Variants in HERC1 observed in about 807,000 individuals in gnomAD.
HERC1 encodes the protein HECT and RLD domain containing E3 ubiquitin protein ligase family member 1, also known as probable E3 ubiquitin-protein ligase HERC1.
Under a neutral mutation model 554.3 loss-of-function variants are expected in HERC1, and 160 were observed. The observed-to-expected ratio is 0.29, with a 90% CI of 0.25 to 0.33. The LOEUF is 0.33. Among genes scored for constraint, HERC1 ranks in the 10% least tolerant of loss-of-function variants. The pLI, the probability that HERC1 is intolerant of heterozygous loss-of-function variation, is 1.00. For synonymous variants in HERC1, 2,175 were observed against 2,131.7 expected (o/e 1.02, Z -0.56); for missense variants, 4,919 against 5,918.5 (o/e 0.83, Z 5.54).
intron 1 of HERC1, among the ~76,000 whole-genome samples, chr15:63,801,356 A>C (rs2144781732): frequency 6.6e-6 from 1 of 152,298 alleles, no homozygotes; most frequent in South Asian, 2.1e-4. Flanking sequence ...TGTGGGACTG[A>C]GCCCTTAAAC....
chr15:63,643,514 A>T lies in HERC1; in HGVS notation c.11221T>A (p.Tyr3741Asn). The change falls in exon 58 of 78, where the codon TAT becomes AAT. Residue 3741 changes from tyrosine to asparagine, a missense_variant. By Grantham distance (143) the Tyr-to-Asn change is moderately radical. Around this residue, in one of 11 missense-constraint regions of HERC1, gnomAD observed 1,963 missense variants for 2,228.6 expected, o/e 0.88. Transcript: ENST00000443617. ...GGAGTGATGTGTCCCCGCAGCTGATAAACACACTTGGCTCCTGATGATTTC... is the reference window on the plus strand; with the variant it reads ...GGAGTGATGTGTCCCCGCAGCTGATTAACACACTTGGCTCCTGATGATTTC... ...YRKSSGAKCVYQLRGHITPVR... is the reference protein window; with the variant it reads ...YRKSSGAKCVNQLRGHITPVR... The T allele has an allele frequency of 6.2e-7, 1 of 1,608,458 alleles. No individual in the cohort carries two copies. Among genetic ancestry groups the T allele is most frequent in the Non-Finnish European group, 8.5e-7 (1 of 1,176,916 alleles).
At chr15:63,663,752 T>C (rs186118398) in intron 43 of HERC1, among the ~76,000 whole-genome samples, 155 of 152,322 alleles carry the variant, frequency 1.0e-3, no homozygotes, top group Admixed American at 5.8e-3. Context: ...GAGCCACTGA[T>C]ATAATGTTAA....
chr15:63,611,863 T>G (rs376400003), intron 77 of HERC1, among the ~76,000 whole-genome samples: 1 of 152,224 alleles, frequency 6.6e-6, no homozygotes, highest in African/African-American at 2.4e-5. Flanking sequence ...TTGAGGGTCA[T>G]AGTTTGTTTT....
At chr15:63,616,754 C>G in intron 74 of HERC1, 72 bp from the exon 75 acceptor site, 3 of 1,348,770 alleles carry the variant, frequency 2.2e-6, no homozygotes, top group Non-Finnish European at 3.1e-6. Context: ...GCAACAACAG[C>G]TATAGCGTTA....
chr15:63,652,110 A>C (rs2069720246), intron 52 of HERC1, among the ~76,000 whole-genome samples: 2 of 152,134 alleles, frequency 1.3e-5, no homozygotes, highest in South Asian at 4.1e-4. Context: ...CAATATAATT[A>C]CTCTAATTCC....
Position 63,734,568 on chromosome 15 carries a change from GGTT to G in HERC1, c.2646+153_2646+155del, listed in dbSNP as rs1257663598. The G allele has an allele frequency of 4.3e-5, 22 of 513,132 alleles. No individual in the cohort carries two copies. Among genetic ancestry groups the G allele is most frequent in the Non-Finnish European group, 4.0e-5 (12 of 301,128 alleles). The allele number at this position is 513,132 out of a possible 1,614,324, so 31.8% of individuals were successfully genotyped here. A position where few individuals can be genotyped will look rare whatever the true frequency, so the allele number is the denominator to read the frequency against. ...ATAAATTATCACTTGCTTCACCTAAGGTTGTTAAGACAACTGGGAATTCTTCCA... is the reference window on the plus strand; with the variant it reads ...ATAAATTATCACTTGCTTCACCTAAGGTTAAGACAACTGGGAATTCTTCCA... On this transcript the variant is annotated intron_variant, in intron 13 of 77. Coordinates refer to ENST00000443617, the MANE Select transcript of HERC1 (RefSeq NM_003922.4). The surrounding 1 kb of genome is among the most constrained non-coding windows in gnomAD (Gnocchi z 4.6).
At chr15:63,647,617 T>A (rs1163881866) in intron 55 of HERC1, among the ~76,000 whole-genome samples, 1 of 152,182 alleles carries the variant, frequency 6.6e-6, no homozygotes, top group African/African-American at 2.4e-5. Context: ...CATCAATGGA[T>A]GACTGGATAA....
At position 63,758,737 on chromosome 15, in the gene HERC1, T is replaced by C. The variant is rs531159237; in HGVS notation, c.1027-368A>G. On this transcript the variant is annotated intron_variant, in intron 3 of 77. Transcript: ENST00000443617. This position sits in a 1 kb window ranked among gnomAD's most constrained non-coding sequence, Gnocchi z 4.0. The stretch of plus-strand genomic sequence containing the variant: ...ATATATGTCCTTCCAGAATTGTTCA[T>C]ATACAAATTATTTAACACAGTCACC... 2.2e-3 allele frequency among the ~76,000 whole-genome samples: 335 copies of C among 152,306 alleles called. No individual in the cohort carries two copies. The highest frequency in any genetic ancestry group is 7.4e-3 in the African/African-American group (306 of 41,562).
Position 63,659,815 on chromosome 15 carries a change from G to A in HERC1, c.9345C>T (p.Phe3115=), listed in dbSNP as rs1335330931. ...ATGCTCCCAGTGGATCGCTGTCAGGGAACTGAACTGGTTCTGGTACAATGC... is the reference window on the plus strand; with the variant it reads ...ATGCTCCCAGTGGATCGCTGTCAGGAAACTGAACTGGTTCTGGTACAATGC... The part of the protein sequence containing the change: ...DRRIVPEPVQ[F]PDSDPLGASV... Residue 3115 remains phenylalanine (F), a synonymous_variant, in exon 47 of 78, where the codon TTC becomes TTT. Transcript: ENST00000443617. 1 of 1,613,752 alleles carries A rather than the reference G, an allele frequency of 6.2e-7. No homozygotes were observed. Among genetic ancestry groups the A allele is most frequent in the African/African-American group, 1.3e-5 (1 of 74,912 alleles).
At chr15:63,663,308 T>C (rs1316137333) in intron 43 of HERC1, 104 bp from the exon 44 acceptor site, 1 of 895,706 alleles carries the variant, frequency 1.1e-6, no homozygotes, top group African/African-American at 1.7e-5. Flanking sequence ...CCTATCTCAG[T>C]TGTCTTATTG....
At position 63,758,090 on chromosome 15, in the gene HERC1, A is replaced by G; in HGVS notation, c.1221+85T>C. 1 of 958,928 alleles carries G rather than the reference A, an allele frequency of 1.0e-6. No individual in the cohort carries two copies. The highest frequency in any genetic ancestry group is 1.5e-6 in the Non-Finnish European group (1 of 647,852). The allele number at this position is 958,928 out of a possible 1,614,324, so 59.4% of individuals were successfully genotyped here. On this transcript the variant is annotated intron_variant, in intron 4 of 77. Transcript: ENST00000443617. The surrounding 1 kb of genome is among the most constrained non-coding windows in gnomAD (Gnocchi z 4.0). ...ACCATCGATAATTTTCACTCATTTA[A>G]AAAATACTCAGTATTATTTAATGCA...
intron 39 of HERC1, among the ~76,000 whole-genome samples, chr15:63,670,467 T>C (rs1015045977): frequency 1.3e-5 from 2 of 152,206 alleles, no homozygotes; most frequent in African/African-American, 2.4e-5. Context: ...TACAATGGTA[T>C]ACACACAGGA....
chr15:63,716,025 C>G (rs1222982649), intron 22 of HERC1, among the ~76,000 whole-genome samples: 6 of 152,136 alleles, frequency 3.9e-5, no homozygotes, highest in African/African-American at 1.2e-4. Flanking sequence ...TATCTGATGA[C>G]TCATGAGTTT....
chr15:63,647,670 T>A (rs1409852888), intron 55 of HERC1, among the ~76,000 whole-genome samples: 2 of 152,184 alleles, frequency 1.3e-5, no homozygotes, highest in African/African-American at 4.8e-5. Flanking sequence ...TATGCAGCCA[T>A]AAAAAGAATG....
chr15:63,815,619 A>G (rs1159476501), intron 1 of HERC1, among the ~76,000 whole-genome samples: 1 of 152,202 alleles, frequency 6.6e-6, no homozygotes, highest in Non-Finnish European at 1.5e-5. Context: ...TCACTGAAAA[A>G]TGTCTTATTT....
Position 63,729,378 on chromosome 15 carries a change from A to C in HERC1, c.3022-10T>G, listed in dbSNP as rs540388979. Reference sequence around the variant, plus strand: ...CCACACTGCTTGAGTTCTAAGAAGAAAAAAAGTTCCTAAATTACTACTTTG... The same window carrying C: ...CCACACTGCTTGAGTTCTAAGAAGACAAAAAGTTCCTAAATTACTACTTTG... On this transcript the variant is annotated splice_polypyrimidine_tract_variant and intron_variant, in intron 15 of 77. Coordinates refer to ENST00000443617, the MANE Select transcript of HERC1 (RefSeq NM_003922.4). The C allele has an allele frequency of 2.3e-4, 374 of 1,592,154 alleles. 1 individual carries two copies. The highest frequency in any genetic ancestry group is 3.0e-4 in the Non-Finnish European group (353 of 1,172,784).
chr15:63,710,623 G>GC lies in HERC1; in HGVS notation c.4584+2151dup, dbSNP rs1480790448. Among the ~76,000 whole-genome samples the GC allele has an allele frequency of 3.3e-5, 5 of 152,206 alleles. No homozygotes were observed. In the East Asian group the frequency reaches 9.7e-4, roughly 29 times the overall value. On this transcript the variant is annotated intron_variant, in intron 24 of 77. Transcript: ENST00000443617. ...CTAAATTATACAGTAAGTGATCGGT[G>GC]CCCCAGAAAAAACAAAGCAAGGCAA...
intron 25 of HERC1, among the ~76,000 whole-genome samples, chr15:63,704,734 ATTTTTTTT>A (rs567922548): frequency 3.4e-5 from 3 of 88,442 alleles, no homozygotes; most frequent in African/African-American, 8.5e-5. Flanking sequence ...ATACTCTGTA[ATTTTTTTT>A]TTTTTTTTTT....
At chr15:63,793,729 G>A (rs1217204313) in intron 1 of HERC1, among the ~76,000 whole-genome samples, 3 of 152,004 alleles carry the variant, frequency 2.0e-5, no homozygotes, top group African/African-American at 7.3e-5. Flanking sequence ...CCCTCTCTTG[G>A]GGTCTGGATA....
Sources: allele counts gnomAD v4.1 joint callset (sites outside exome capture counted in the v4.1 genomes callset), GRCh38; gene constraint gnomAD v4.1.1; regional missense constraint gnomAD v4.1.1; non-coding constraint Gnocchi (gnomAD v3.1); transcripts MANE v1.5; gene names NCBI Gene and HGNC (gene_info 2026-07-23, HGNC 2026-07-21).